TRAF3IP3: variants seen among roughly 807,000 people sequenced by gnomAD.
TRAF3IP3 encodes TRAF3-interacting JNK-activating modulator.
A neutral mutation model predicts 86.5 loss-of-function variants in TRAF3IP3; 64 were observed. The ratio of observed to expected loss-of-function variants is 0.74; its 90% CI spans 0.60 to 0.91. The LOEUF is 0.91. Among genes scored for constraint, TRAF3IP3 ranks in the 40% least tolerant of loss-of-function variants. The pLI is 0.00. For synonymous variants in TRAF3IP3, 220 were observed against 243.9 expected, an observed-to-expected ratio of 0.90 and a Z score of 0.91; for missense variants, 579 against 642.9, an observed-to-expected ratio of 0.90 and a Z score of 1.07.
At chr1:209,781,508 T>C (rs1170669575) in intron 16 of TRAF3IP3, 50 bp downstream of exon 16, 9 of 1,378,576 alleles carry the variant, frequency 6.5e-6, no homozygotes, top group Non-Finnish European at 9.3e-6. Context: ...GGACGATTCC[T>C]TCTTTAACCA....
At chr1:209,780,848 C>A in intron 15 of TRAF3IP3, 1 of 277,964 alleles carries the variant, frequency 3.6e-6, no homozygotes. Context: ...GACCAAAACT[C>A]AAACACATTT....
At chr1:209,778,404 C>T in intron 13 of TRAF3IP3, 1 of 478,182 alleles carries the variant, frequency 2.1e-6, no homozygotes, top group Non-Finnish European at 3.7e-6. Context: ...AATGACACCA[C>T]TTACATTTCC....
chr1:209,777,686 G>GTAGA (rs2077687204), intron 12 of TRAF3IP3, 199 bp downstream of exon 12: 1 of 572,094 alleles, frequency 1.7e-6, no homozygotes, highest in Admixed American at 3.3e-5. Flanking sequence ...TTTCACTGTA[G>GTAGA]TAGATAGAGT....
intron 3 of TRAF3IP3, 53 bp from the exon 4 acceptor site, chr1:209,762,462 T>G: frequency 1.4e-6 from 2 of 1,407,634 alleles, no homozygotes; most frequent in South Asian, 2.0e-5. Context: ...ATCAGGAGAG[T>G]CTTTCAAGAG....
chr1:209,777,446 G>A lies in TRAF3IP3; in HGVS notation c.1148G>A (p.Gly383Glu). 1 of 1,614,072 alleles carries A rather than the reference G, an allele frequency of 6.2e-7. No individual in the cohort carries two copies. Among genetic ancestry groups the A allele is most frequent in the Middle Eastern group, 1.7e-4 (1 of 6,044 alleles). Residue 383 changes from glycine (G) to glutamate (E), a missense_variant, in exon 12 of 17, where the codon GGG (glycine) becomes GAG (glutamate). By Grantham distance (98) the Gly-to-Glu change is moderately conservative (BLOSUM62 -2). Coordinates refer to ENST00000367025, the MANE Select transcript of TRAF3IP3 (RefSeq NM_025228.4). ...QLQAKIECLQ[G>E]DRDLCSLDTQ... ...CAGGCCAAGATTGAATGCCTGCAAG[G>A]GGACAGAGACCTGTGCAGCTTGGAT...
chr1:209,773,055 C>T, intron 9 of TRAF3IP3, 36 bp downstream of exon 9: 1 of 1,536,018 alleles, frequency 6.5e-7, no homozygotes, highest in African/African-American at 1.4e-5. Flanking sequence ...TCTCAGGAAT[C>T]TAGAATTAAA....
intron 8 of TRAF3IP3, among the ~76,000 whole-genome samples, chr1:209,764,385 T>C (rs1031447948): frequency 6.6e-6 from 1 of 152,208 alleles, no homozygotes; most frequent in Non-Finnish European, 1.5e-5. Flanking sequence ...GGAATACTTA[T>C]ATAAGCATTT....
At chr1:209,770,043 G>A (rs1248145679) in intron 8 of TRAF3IP3, among the ~76,000 whole-genome samples, 1 of 152,212 alleles carries the variant, frequency 6.6e-6, no homozygotes, top group Non-Finnish European at 1.5e-5. Context: ...GGAAGCTGTA[G>A]CTACTAAGCT....
chr1:209,759,881 A>G (rs1224010482), intron 2 of TRAF3IP3, 101 bp from the exon 3 acceptor site: 13 of 628,418 alleles, frequency 2.1e-5, no homozygotes, highest in Non-Finnish European at 3.4e-5. Flanking sequence ...ACCCACATGG[A>G]TGGAACTCTG....
chr1:209,770,468 G>C (rs4997274), intron 8 of TRAF3IP3, among the ~76,000 whole-genome samples: 5,760 of 142,934 alleles, frequency 0.04, 504 homozygotes, highest in East Asian at 0.3. Context: ...TGCATGTGGA[G>C]GTGTGTGTGT....
Position 209,761,523 on chromosome 1 carries a change from G to C in TRAF3IP3, c.346-992G>C, listed in dbSNP as rs1472737502. On this transcript the variant is annotated intron_variant, in intron 3 of 16. Coordinates refer to ENST00000367025, the MANE Select transcript of TRAF3IP3 (RefSeq NM_025228.4). ...TCAGGGCTTCTTAACTAGTGGATCT[G>C]TTATGCTCAATAGGAGATGCTGTTC... Among the ~76,000 whole-genome samples, 25 of 152,158 alleles carry C rather than the reference G, an allele frequency of 1.6e-4. 1 individual carries two copies. The highest frequency in any genetic ancestry group is 1.6e-3 in the Admixed American group (25 of 15,276).
rs766448268 is a variant in TRAF3IP3 at position 209,763,072 on chromosome 1, G to A, written c.556G>A (p.Gly186Arg). Residue 186 changes from glycine to arginine, a missense_variant, in exon 6 of 17, where the codon GGA becomes AGA. By Grantham distance (125) the Gly-to-Arg change is moderately radical (BLOSUM62 -2). Coordinates refer to ENST00000367025, the MANE Select transcript of TRAF3IP3 (RefSeq NM_025228.4). Reference protein sequence around the residue: ...KNDASQQTNYGVAVLDKEIIQ... With the variant: ...KNDASQQTNYRVAVLDKEIIQ... ...TTTAATTTCTTCTCTTTCCAGTTAC[G>A]GAGTTGCAGTTCTGGATAAGGTAAG... 23 of 1,613,278 alleles carry A rather than the reference G, an allele frequency of 1.4e-5. No individual in the cohort carries two copies. The highest frequency in any genetic ancestry group is 5.5e-5 in the South Asian group (5 of 91,066).
chr1:209,779,292 A>ACAT, intron 13 of TRAF3IP3, 23 bp from the exon 14 acceptor site: 3 of 1,611,572 alleles, frequency 1.9e-6, no homozygotes, highest in Non-Finnish European at 2.5e-6. Context: ...TAGCATAGAC[A>ACAT]AGTTCCTTGT....
At chr1:209,756,807 C>A (rs539092716) in intron 1 of TRAF3IP3, among the ~76,000 whole-genome samples, 55 of 152,294 alleles carry the variant, frequency 3.6e-4, no homozygotes, top group Middle Eastern at 3.4e-3. Flanking sequence ...CATGTCAAGC[C>A]ACAGTCAGGT....
At chr1:209,767,738 C>A (rs116126400) in intron 8 of TRAF3IP3, among the ~76,000 whole-genome samples, 1,924 of 151,614 alleles carry the variant, frequency 0.013, 41 homozygotes, top group African/African-American at 0.043. Flanking sequence ...AGAACCCTGG[C>A]TCCAAGCAGG....
At chr1:209,780,381 C>T in intron 14 of TRAF3IP3, 89 bp from the exon 15 acceptor site, 1 of 1,290,034 alleles carries the variant, frequency 7.8e-7, no homozygotes, top group African/African-American at 1.5e-5. Flanking sequence ...AGTTCCCTCC[C>T]CTCTCCCCAC....
intron 8 of TRAF3IP3, among the ~76,000 whole-genome samples, chr1:209,765,561 G>C (rs916974354): frequency 4.6e-5 from 7 of 152,144 alleles, no homozygotes; most frequent in Admixed American, 2.0e-4. Flanking sequence ...TAGGAACTCA[G>C]GAGGCTAAGG....
intron 1 of TRAF3IP3, 192 bp from the exon 2 acceptor site, chr1:209,758,842 T>A (rs1032848833): frequency 6.6e-6 from 1 of 152,644 alleles, no homozygotes; most frequent in African/African-American, 2.4e-5. Context: ...TCTAGGAGGA[T>A]AAACTACAGA....
chr1:209,777,473 C>T lies in TRAF3IP3; in HGVS notation c.1175C>T (p.Thr392Ile). The T allele has an allele frequency of 6.2e-7, 1 of 1,613,242 alleles. No individual in the cohort carries two copies. The highest frequency in any genetic ancestry group is 8.5e-7 in the Non-Finnish European group (1 of 1,179,436). The change falls in exon 12 of 17, where the codon ACC becomes ATC. Residue 392 changes from threonine to isoleucine, a missense_variant. Transcript: ENST00000367025. Reference sequence around the variant, plus strand: ...GACAGAGACCTGTGCAGCTTGGATACCCAGGACCTACAAGGTACTCTTCTC... The same window carrying T: ...GACAGAGACCTGTGCAGCTTGGATATCCAGGACCTACAAGGTACTCTTCTC... ...QGDRDLCSLD[T>I]QDLQDQLKRS...
Sources: allele counts gnomAD v4.1 joint callset (sites outside exome capture counted in the v4.1 genomes callset), GRCh38; gene constraint gnomAD v4.1.1; transcripts MANE v1.5; gene names NCBI Gene and HGNC (gene_info 2026-07-23, HGNC 2026-07-21).